The following CAMTA1 variants were observed in gnomAD, a reference collection of about 807,000 sequenced individuals.
The protein encoded by CAMTA1 is calmodulin-binding transcription activator 1.
Under a neutral mutation model 170.9 loss-of-function variants are expected in CAMTA1, and 27 were observed. That is an observed-to-expected ratio of 0.16 (90% CI 0.12 to 0.22). The LOEUF (loss-of-function observed/expected upper bound fraction) is 0.22, where lower values mean the gene tolerates loss of function less well. CAMTA1 is among the 10% of genes least tolerant of loss of function. The pLI is 1.00. For synonymous variants in CAMTA1, 833 were observed against 891.5 expected, an observed-to-expected ratio of 0.93 and a Z score of 1.17; for missense variants, 1,619 against 2,217.2, an observed-to-expected ratio of 0.73 and a Z score of 5.42.
rs1423159323 is a variant in CAMTA1, at chr1:7,547,472, A to G, written c.510+79571A>G. On this transcript the variant is annotated intron_variant, in intron 6 of 22. Transcript: ENST00000303635. The surrounding 1 kb of genome is among the most constrained non-coding windows in gnomAD (Gnocchi z 5.7). ...CAAAAATATCCAGGAAAAAAATTGC[A>G]TTTGTACCAAACATATTTTTTTCTT... 1.3e-5 allele frequency among the ~76,000 whole-genome samples: 2 copies of G among 152,108 alleles called. No homozygotes were observed. Among genetic ancestry groups the G allele is most frequent in the African/African-American group, 4.8e-5 (2 of 41,394 alleles).
At chr1:7,042,632 C>G (rs1057267796) in intron 3 of CAMTA1, among the ~76,000 whole-genome samples, 1 of 152,190 alleles carries the variant, frequency 6.6e-6, no homozygotes, top group Non-Finnish European at 1.5e-5. Context: ...GAGCAGCAGC[C>G]GAGATGCCGC....
At chr1:7,555,079 T>A (rs1378303630) in intron 6 of CAMTA1, among the ~76,000 whole-genome samples, 1 of 152,052 alleles carries the variant, frequency 6.6e-6, no homozygotes, top group African/African-American at 2.4e-5. Flanking sequence ...TCAGCCTGCT[T>A]GCCCTCCAGG....
chr1:6,988,034 A>G (rs1027880476), intron 3 of CAMTA1, among the ~76,000 whole-genome samples: 2 of 152,186 alleles, frequency 1.3e-5, no homozygotes, highest in African/African-American at 2.4e-5. Flanking sequence ...CCCTGGGAAC[A>G]TTATCCCTTA....
intron 3 of CAMTA1, among the ~76,000 whole-genome samples, chr1:6,848,848 A>G (rs189357485): frequency 1.0e-3 from 155 of 152,356 alleles, no homozygotes; most frequent in Admixed American, 3.4e-3. Context: ...CACCATCTTA[A>G]TAGATGAAGA....
intron 7 of CAMTA1, among the ~76,000 whole-genome samples, chr1:7,649,982 C>G (rs2095837984): frequency 6.6e-6 from 1 of 152,228 alleles, no homozygotes; most frequent in Non-Finnish European, 1.5e-5. Flanking sequence ...GTTGGGAGCT[C>G]AGAGGCGGCT....
intron 5 of CAMTA1, among the ~76,000 whole-genome samples, chr1:7,329,851 G>A (rs753429929): frequency 5.9e-5 from 9 of 152,100 alleles, no homozygotes; most frequent in Admixed American, 3.9e-4. Context: ...ACACAAAGAG[G>A]GTTTTTCCTT....
chr1:6,876,305 TC>T (rs1669855029), intron 3 of CAMTA1, among the ~76,000 whole-genome samples: 1 of 152,184 alleles, frequency 6.6e-6, no homozygotes, highest in Non-Finnish European at 1.5e-5. Context: ...CTGAAATCCT[TC>T]AGGTGCCTAC....
At chr1:7,284,191 T>TATTATTATTATTATC (rs1553121812) in intron 5 of CAMTA1, among the ~76,000 whole-genome samples, 12 of 135,546 alleles carry the variant, frequency 8.9e-5, no homozygotes, top group South Asian at 2.3e-4. Flanking sequence ...TTATTATTAT[T>TATTATTATTATTATC]ATTATTATTA....
At chr1:7,731,207 A>G (rs1379447980) in intron 11 of CAMTA1, among the ~76,000 whole-genome samples, 4 of 152,122 alleles carry the variant, frequency 2.6e-5, no homozygotes, top group African/African-American at 9.7e-5. Flanking sequence ...TAGCTCCAAC[A>G]GTAATTCCTG....
chr1:7,551,717 C>T (rs900487455), intron 6 of CAMTA1, among the ~76,000 whole-genome samples: 1 of 152,174 alleles, frequency 6.6e-6, no homozygotes, highest in Non-Finnish European at 1.5e-5. Flanking sequence ...TCCCTGGTGT[C>T]CAGTATCTGT....
At chr1:7,523,298 C>G (rs1487560364) in intron 6 of CAMTA1, among the ~76,000 whole-genome samples, 1 of 152,190 alleles carries the variant, frequency 6.6e-6, no homozygotes, top group African/African-American at 2.4e-5. Flanking sequence ...CCTGTTTTAG[C>G]TATTCTATTC....
At chr1:7,572,837 A>G (rs1345655891) in intron 6 of CAMTA1, among the ~76,000 whole-genome samples, 1 of 152,248 alleles carries the variant, frequency 6.6e-6, no homozygotes, top group African/African-American at 2.4e-5. Flanking sequence ...GAAGACGAAG[A>G]TAAAAGGCTG....
chr1:6,997,427 T>C (rs1697440066), intron 3 of CAMTA1, among the ~76,000 whole-genome samples: 1 of 152,170 alleles, frequency 6.6e-6, no homozygotes, highest in South Asian at 2.1e-4. Flanking sequence ...TGACATCTTC[T>C]TGTGTTAGTT....
intron 6 of CAMTA1, among the ~76,000 whole-genome samples, chr1:7,483,042 C>T (rs1394541675): frequency 6.6e-6 from 1 of 152,196 alleles, no homozygotes; most frequent in South Asian, 2.1e-4. Flanking sequence ...AGACAGGAGG[C>T]TGAGCCAACC....
chr1:7,563,761 T>C (rs932106255), intron 6 of CAMTA1, among the ~76,000 whole-genome samples: 4 of 152,238 alleles, frequency 2.6e-5, no homozygotes, highest in Non-Finnish European at 5.9e-5. Context: ...ACTTGTTGAA[T>C]GCTATATGGC....
At chr1:7,579,916 C>T (rs1314835094) in intron 6 of CAMTA1, among the ~76,000 whole-genome samples, 1 of 152,242 alleles carries the variant, frequency 6.6e-6, no homozygotes, top group Non-Finnish European at 1.5e-5. Flanking sequence ...TGTCCTTCTC[C>T]TGCGTCACTG....
intron 3 of CAMTA1, among the ~76,000 whole-genome samples, chr1:6,958,618 T>C (rs1214018757): frequency 6.6e-6 from 1 of 152,098 alleles, no homozygotes; most frequent in African/African-American, 2.4e-5. Flanking sequence ...ATTGGGAAAT[T>C]TGAATGTGAC....
intron 5 of CAMTA1, among the ~76,000 whole-genome samples, chr1:7,439,079 C>G (rs890676721): frequency 6.6e-6 from 1 of 152,116 alleles, no homozygotes; most frequent in Non-Finnish European, 1.5e-5. Context: ...GGCAGGTGGT[C>G]GGTGGGGGGC....
At chr1:6,991,582 G>A (rs1184120683) in intron 3 of CAMTA1, among the ~76,000 whole-genome samples, 4 of 152,186 alleles carry the variant, frequency 2.6e-5, no homozygotes, top group Admixed American at 2.6e-4. Flanking sequence ...TTTTGTTAGT[G>A]GGGGCTTGTA....
Sources: gnomAD v4.1 joint callset for allele counts (sites outside exome capture counted in the v4.1 genomes callset) on GRCh38, gnomAD v4.1.1 for gene constraint, Gnocchi (gnomAD v3.1) non-coding constraint, MANE v1.5 for transcripts, NCBI Gene and HGNC (gene_info 2026-07-23, HGNC 2026-07-21) for gene names.